LRRK1: variants seen among roughly 807,000 people sequenced by gnomAD.
The protein encoded by LRRK1 is leucine rich repeat kinase 1.
Under a neutral mutation model 209.1 loss-of-function variants are expected in LRRK1, and 113 were observed. The observed-to-expected ratio is 0.54, with a 90% CI of 0.46 to 0.63. The LOEUF (loss-of-function observed/expected upper bound fraction) is 0.63, where lower values mean the gene tolerates loss of function less well. Ranked by LOEUF, LRRK1 falls within the 30% of genes least tolerant of loss-of-function variation. The pLI, the probability that LRRK1 is intolerant of heterozygous loss-of-function variation, is 0.00. For synonymous variants in LRRK1, 1,144 were observed against 1,099.7 expected (o/e 1.04, Z -0.80); for missense variants, 2,284 against 2,632.2 (o/e 0.87, Z 2.89).
Position 101,024,957 on chromosome 15 carries a change from T to A in LRRK1, c.2222T>A (p.Leu741His), listed in dbSNP as rs2033955141. The change falls in exon 16 of 34, where the codon CTC becomes CAC. Residue 741 changes from leucine (L) to histidine (H), a missense_variant. By Grantham distance (99) the Leu-to-His change is moderately conservative. Coordinates refer to ENST00000388948, the MANE Select transcript of LRRK1 (RefSeq NM_024652.6). This position sits in a 1 kb window ranked among gnomAD's most constrained non-coding sequence, Gnocchi z 4.6. ...EAVANLQFWL[L>H]NIEAKAPNAV... ...GTGGCCAACCTCCAGTTCTGGCTGC[T>A]CAACATCGAGGTGAGGACACCAGAC... 3 of 1,613,444 alleles carry A rather than the reference T, an allele frequency of 1.9e-6. No individual in the cohort carries two copies. Among genetic ancestry groups the A allele is most frequent in the Non-Finnish European group, 2.5e-6 (3 of 1,179,882 alleles).
chr15:100,942,137 C>T (rs914463697), intron 2 of LRRK1, among the ~76,000 whole-genome samples: 3 of 152,214 alleles, frequency 2.0e-5, no homozygotes, highest in African/African-American at 4.8e-5. Flanking sequence ...CATCTTCCAG[C>T]GTCTCCTGGG....
At chr15:101,012,397 C>T (rs529952133) in intron 10 of LRRK1, among the ~76,000 whole-genome samples, 19 of 152,332 alleles carry the variant, frequency 1.2e-4, no homozygotes, top group Non-Finnish European at 2.1e-4. Context: ...TTTAAGTCCA[C>T]GGCCTGCCCA....
intron 2 of LRRK1, among the ~76,000 whole-genome samples, chr15:100,931,349 C>T (rs1476927736): frequency 3.3e-5 from 5 of 152,134 alleles, no homozygotes; most frequent in African/African-American, 1.2e-4. Context: ...TTCAGGAGAA[C>T]CGAGAACAAA....
intron 10 of LRRK1, among the ~76,000 whole-genome samples, chr15:101,013,252 G>A (rs1458731692): frequency 1.3e-5 from 2 of 152,208 alleles, no homozygotes; most frequent in African/African-American, 4.8e-5. Flanking sequence ...CGGTTCTGAT[G>A]GTGGGCGGTG....
rs1467219949 is a variant in LRRK1 at position 101,022,908 on chromosome 15, A to C, written c.2067+311A>C. 6.7e-6 allele frequency among the ~76,000 whole-genome samples: 1 copy of C among 150,216 alleles called. No individual in the cohort carries two copies. The highest frequency in any genetic ancestry group is 2.0e-4 in the East Asian group (1 of 5,110). On this transcript the variant is annotated intron_variant, in intron 15 of 33. Transcript: ENST00000388948. This position sits in a 1 kb window ranked among gnomAD's most constrained non-coding sequence, Gnocchi z 4.0. The stretch of plus-strand genomic sequence containing the variant: ...AGCTTAAATGATCCACCTGCCCTGT[A>C]TGTTTCTGTTATAGTTACTTGAGGC...
chr15:101,048,923 G>A (rs1025371180), intron 22 of LRRK1, among the ~76,000 whole-genome samples: 3 of 152,180 alleles, frequency 2.0e-5, no homozygotes, highest in South Asian at 2.1e-4. Context: ...GGGACGTGGC[G>A]GCCATTGAGC....
At chr15:101,061,380 G>A (rs1443427338) in intron 30 of LRRK1, 92 bp downstream of exon 30, 14 of 826,638 alleles carry the variant, frequency 1.7e-5, no homozygotes, top group Admixed American at 4.4e-5. Context: ...AATACAGGAC[G>A]CCAGGTCAAG....
chr15:100,954,149 C>T (rs1222199323), intron 2 of LRRK1, among the ~76,000 whole-genome samples: 5 of 152,116 alleles, frequency 3.3e-5, no homozygotes, highest in African/African-American at 7.2e-5. Context: ...CTCCTGACCT[C>T]GTGATCTGCC....
intron 15 of LRRK1, among the ~76,000 whole-genome samples, chr15:101,023,230 A>C (rs2033877920): frequency 6.6e-6 from 1 of 152,066 alleles, no homozygotes; most frequent in Non-Finnish European, 1.5e-5. Context: ...CCCTACTTAA[A>C]ATGAATCCAT....
chr15:101,025,564 G>T (rs944955377), intron 16 of LRRK1, among the ~76,000 whole-genome samples: 22 of 152,246 alleles, frequency 1.4e-4, no homozygotes, highest in Admixed American at 1.0e-3. Flanking sequence ...GCCTCAGGAA[G>T]CTTTTAGTCA....
In LRRK1 at chr15:101,015,392, G is replaced by T. The variant is rs368413148; in HGVS notation, c.1599G>T (p.Gly533=). 10 of 1,613,104 alleles carry T rather than the reference G, an allele frequency of 6.2e-6. No individual in the cohort carries two copies. The African/African-American group carries it at 1.3e-4, about 22-fold the overall frequency. ...CCACCAGAGGTCGCCAGCGCTCCGGGACTGAGGCAGGTGTGTGTGGGTTGG... is the reference window on the plus strand; with the variant it reads ...CCACCAGAGGTCGCCAGCGCTCCGGTACTGAGGCAGGTGTGTGTGGGTTGG... ...FFTTRGRQRS[G]TEAASVLEFP... is the part of the protein sequence containing the mutation. The change falls in exon 12 of 34, where the codon GGG becomes GGT. Residue 533 remains glycine (G), a synonymous_variant. Coordinates refer to ENST00000388948, the MANE Select transcript of LRRK1 (RefSeq NM_024652.6).
chr15:101,055,345 C>T (rs2035736172), intron 27 of LRRK1, 122 bp downstream of exon 27: 1 of 960,522 alleles, frequency 1.0e-6, no homozygotes, highest in Admixed American at 3.6e-5. Flanking sequence ...ACATTTTTCT[C>T]ACTCTCCCTT....
Position 101,066,237 on chromosome 15 carries a change from G to A in LRRK1, c.5768+32G>A, listed in dbSNP as rs1275825067. On this transcript the variant is annotated intron_variant, in intron 32 of 33. Coordinates refer to ENST00000388948, the MANE Select transcript of LRRK1 (RefSeq NM_024652.6). ...TTCCCGAGGTGAGGGCACCATCCAG[G>A]GCACGCCCACTGCTCCTGCTCTGGG... is the stretch of plus-strand genomic sequence containing the variant. The A allele has an allele frequency of 3.2e-6, 5 of 1,571,780 alleles. No homozygotes were observed. In the East Asian group the frequency reaches 6.7e-5, roughly 21 times the overall value.
At chr15:100,991,392 G>A (rs1355538709) in intron 6 of LRRK1, among the ~76,000 whole-genome samples, 1 of 151,876 alleles carries the variant, frequency 6.6e-6, no homozygotes, top group African/African-American at 2.4e-5. Flanking sequence ...TCTTTAATGA[G>A]ATTTTTTTCT....
chr15:100,930,144 C>T (rs2042183385), intron 2 of LRRK1, among the ~76,000 whole-genome samples: 2 of 152,226 alleles, frequency 1.3e-5, no homozygotes, highest in African/African-American at 4.8e-5. Flanking sequence ...GAAGTGGATG[C>T]TGTGGGGCTC....
chr15:100,942,138 G>C (rs113034040), intron 2 of LRRK1, among the ~76,000 whole-genome samples: 1 of 152,198 alleles, frequency 6.6e-6, no homozygotes, highest in Non-Finnish European at 1.5e-5. Flanking sequence ...ATCTTCCAGC[G>C]TCTCCTGGGC....
At chr15:100,980,845 G>T (rs1293131447) in intron 3 of LRRK1, among the ~76,000 whole-genome samples, 1 of 152,230 alleles carries the variant, frequency 6.6e-6, no homozygotes, top group Admixed American at 6.5e-5. Flanking sequence ...CTGGGCACAG[G>T]TGATGTCCTG....
At chr15:101,062,353 G>T (rs2925203) in intron 30 of LRRK1, 214,125 of 456,502 alleles carry the variant, frequency 0.47, 50,929 homozygotes, top group African/African-American at 0.53. Flanking sequence ...GGGAATAGAT[G>T]ACGGGCTATT....
At chr15:101,064,877 T>G (rs1409351727) in intron 31 of LRRK1, 22 of 161,252 alleles carry the variant, frequency 1.4e-4, no homozygotes, top group Middle Eastern at 3.3e-3. Context: ...CTCTGCCTGG[T>G]GGGGGGGGTG....
Sources: allele counts gnomAD v4.1 joint callset (sites outside exome capture counted in the v4.1 genomes callset), GRCh38; gene constraint gnomAD v4.1.1; non-coding constraint Gnocchi (gnomAD v3.1); transcripts MANE v1.5; gene names NCBI Gene and HGNC (gene_info 2026-07-23, HGNC 2026-07-21).